Variants in FBXO11 observed in about 807,000 individuals in gnomAD.
The protein encoded by FBXO11 is F-box only protein 11.
A neutral mutation model predicts 117.0 loss-of-function variants in FBXO11; 13 were observed. That is an observed-to-expected ratio of 0.11 (90% confidence interval 0.07 to 0.18). The LOEUF (loss-of-function observed/expected upper bound fraction) is 0.18, where lower values mean the gene tolerates loss of function less well. FBXO11 is among the 10% of genes least tolerant of loss of function. FBXO11 has a pLI of 1.00. For synonymous variants in FBXO11, 490 were observed against 380.5 expected, an observed-to-expected ratio of 1.29 and a Z score of -3.35; for missense variants, 767 against 1,164.4, an observed-to-expected ratio of 0.66 and a Z score of 4.97.
chr2:47,882,650 T>C (rs560965872), intron 1 of FBXO11, among the ~76,000 whole-genome samples: 2 of 152,326 alleles, frequency 1.3e-5, no homozygotes, highest in East Asian at 3.9e-4. Flanking sequence ...ATTTCATCTG[T>C]ATTTCTGTAC....
At chr2:47,827,129 G>T (rs1436087135) in intron 11 of FBXO11, among the ~76,000 whole-genome samples, 1 of 152,138 alleles carries the variant, frequency 6.6e-6, no homozygotes, top group Non-Finnish European at 1.5e-5. Context: ...AGAAAATAAA[G>T]CAGCAAAAAG....
At chr2:47,862,023 C>T (rs1198219507) in intron 1 of FBXO11, among the ~76,000 whole-genome samples, 3 of 152,108 alleles carry the variant, frequency 2.0e-5, no homozygotes, top group Admixed American at 6.6e-5. Context: ...GGTGATTCTC[C>T]TGCCACAGCC....
Position 47,853,531 on chromosome 2 carries a change from G to C in FBXO11, c.233-13762C>G, listed in dbSNP as rs561819475. Among the ~76,000 whole-genome samples, 12 of 152,170 alleles carry C rather than the reference G, an allele frequency of 7.9e-5. No individual in the cohort carries two copies. The South Asian group carries it at 1.2e-3, about 16-fold the overall frequency. On this transcript the variant is annotated intron_variant, in intron 1 of 22. Coordinates refer to ENST00000403359, the MANE Select transcript of FBXO11 (RefSeq NM_001190274.2). ...GTATGTGGAGACAGTATAGCACAATGACTAAGGATACAAGCTCAAAAAAAA... is the reference window on the plus strand; with the variant it reads ...GTATGTGGAGACAGTATAGCACAATCACTAAGGATACAAGCTCAAAAAAAA...
chr2:47,865,674 G>A (rs543925857), intron 1 of FBXO11: 1 of 152,244 alleles, frequency 6.6e-6, no homozygotes, highest in East Asian at 1.9e-4. Flanking sequence ...GTCATACAAA[G>A]TAAAAACACT....
At chr2:47,876,215 A>C (rs1213857765) in intron 1 of FBXO11, among the ~76,000 whole-genome samples, 1 of 152,234 alleles carries the variant, frequency 6.6e-6, no homozygotes, top group Non-Finnish European at 1.5e-5. Context: ...TTGGGAACAA[A>C]GCAAGAATAG....
chr2:47,875,675 A>T (rs1675949391), intron 1 of FBXO11, among the ~76,000 whole-genome samples: 1 of 152,186 alleles, frequency 6.6e-6, no homozygotes, highest in Non-Finnish European at 1.5e-5. Flanking sequence ...ATAATTTTTT[A>T]AAATAAATTT....
In FBXO11 at chr2:47,905,797, G is replaced by C; in HGVS notation, c.-77C>G. The C allele has an allele frequency of 7.0e-7, 1 of 1,433,792 alleles. No homozygotes were observed. Among genetic ancestry groups the C allele is most frequent in the East Asian group, 3.0e-5 (1 of 33,680 alleles). 88.8% of individuals were successfully genotyped at this position (1,433,792 alleles called of 1,614,324 possible). A position where few individuals can be genotyped will look rare whatever the true frequency, so the allele number is the denominator to read the frequency against. On this transcript the variant is annotated 5_prime_UTR_variant, in exon 1 of 23. Coordinates refer to ENST00000403359, the MANE Select transcript of FBXO11 (RefSeq NM_001190274.2). Reference sequence around the variant, plus strand: ...ACAGCGAGCTTCGGGGCAGGAGAAAGGGGTGGGGAGAGTGGGAGAGGGGGG... The same window carrying C: ...ACAGCGAGCTTCGGGGCAGGAGAAACGGGTGGGGAGAGTGGGAGAGGGGGG...
At chr2:47,898,646 G>C (rs1042882375) in intron 1 of FBXO11, among the ~76,000 whole-genome samples, 5 of 152,164 alleles carry the variant, frequency 3.3e-5, no homozygotes, top group African/African-American at 9.7e-5. Flanking sequence ...ATCTACATGA[G>C]AGGTAAAATT....
chr2:47,871,813 C>T (rs1203474552), intron 1 of FBXO11, among the ~76,000 whole-genome samples: 1 of 152,176 alleles, frequency 6.6e-6, no homozygotes, highest in Non-Finnish European at 1.5e-5. Flanking sequence ...CTGACATAAA[C>T]AAATTCATTC....
At chr2:47,899,260 C>G (rs1315286738) in intron 1 of FBXO11, among the ~76,000 whole-genome samples, 1 of 118,628 alleles carries the variant, frequency 8.4e-6, no homozygotes, top group Admixed American at 1.1e-4. Context: ...GGCGACAGAG[C>G]AAGACTCCGT....
intron 1 of FBXO11, among the ~76,000 whole-genome samples, chr2:47,901,888 T>G (rs751644884): frequency 6.6e-6 from 1 of 152,242 alleles, no homozygotes; most frequent in African/African-American, 2.4e-5. Context: ...CCCACACTAC[T>G]GTTTCATTAA....
chr2:47,858,641 C>G (rs1383153062), intron 1 of FBXO11, among the ~76,000 whole-genome samples: 3 of 130,992 alleles, frequency 2.3e-5, no homozygotes, highest in African/African-American at 8.9e-5. Flanking sequence ...GAAATCATGT[C>G]ATTGCTCTCC....
rs1488481538 is a variant in FBXO11, at chr2:47,822,869, G to A, written c.1616+274C>T. ...GTCCTATTTACTCATCTATAATGCAGTTTGATGAATTTAAAATAAAAATCA... is the reference window on the plus strand; with the variant it reads ...GTCCTATTTACTCATCTATAATGCAATTTGATGAATTTAAAATAAAAATCA... On this transcript the variant is annotated intron_variant, in intron 12 of 22. Coordinates refer to ENST00000403359, the MANE Select transcript of FBXO11 (RefSeq NM_001190274.2). 2.0e-5 allele frequency among the ~76,000 whole-genome samples: 3 copies of A among 152,140 alleles called. No homozygotes were observed. In the South Asian group the frequency reaches 6.2e-4, roughly 31 times the overall value.
intron 7 of FBXO11, 51 bp downstream of exon 7, chr2:47,834,528 A>T: frequency 7.2e-7 from 1 of 1,390,108 alleles, no homozygotes; most frequent in Non-Finnish European, 9.6e-7. Flanking sequence ...AAATCCTATC[A>T]CATAAATGAG....
At chr2:47,829,401 C>A (rs765397979) in intron 11 of FBXO11, among the ~76,000 whole-genome samples, 1 of 151,786 alleles carries the variant, frequency 6.6e-6, no homozygotes, top group Admixed American at 6.6e-5. Flanking sequence ...CCAACACACC[C>A]GGCTAATTTA....
At chr2:47,889,649 CCAA>C (rs1417054774) in intron 1 of FBXO11, among the ~76,000 whole-genome samples, 5 of 150,008 alleles carry the variant, frequency 3.3e-5, no homozygotes, top group Admixed American at 3.3e-4. Context: ...TTTTTTTTAA[CCAA>C]TAATGATGAA....
intron 1 of FBXO11, among the ~76,000 whole-genome samples, chr2:47,844,588 C>T (rs1298167965): frequency 5.9e-5 from 9 of 152,146 alleles, no homozygotes; most frequent in African/African-American, 2.2e-4. Context: ...GAATTTTCCT[C>T]CTCTTCTTTC....
intron 1 of FBXO11, among the ~76,000 whole-genome samples, chr2:47,842,490 T>C (rs979514532): frequency 1.3e-5 from 2 of 152,046 alleles, no homozygotes; most frequent in Admixed American, 6.6e-5. Flanking sequence ...AACAAAGGTA[T>C]AAAAAGGGGG....
intron 17 of FBXO11, 48 bp from the exon 18 acceptor site, chr2:47,813,425 ATTTTTTTTTT>A (rs564540671): frequency 3.3e-5 from 13 of 390,118 alleles, no homozygotes; most frequent in African/African-American, 3.1e-4. Flanking sequence ...TTTCTTTTTA[ATTTTTTTTTT>A]TTTTTTTTTT....
Sources: allele counts gnomAD v4.1 joint callset (sites outside exome capture counted in the v4.1 genomes callset), GRCh38; gene constraint gnomAD v4.1.1; transcripts MANE v1.5; gene names NCBI Gene and HGNC (gene_info 2026-07-23, HGNC 2026-07-21).